The following DGKQ variants were observed in gnomAD, a reference collection of about 807,000 sequenced individuals.
DGKQ encodes the protein diacylglycerol kinase theta, also known as DAG kinase theta.
A neutral mutation model predicts 104.2 loss-of-function variants in DGKQ; 97 were observed. The ratio of observed to expected loss-of-function variants is 0.93; its 90% CI spans 0.79 to 1.10. The LOEUF (loss-of-function observed/expected upper bound fraction) is 1.10. DGKQ is among the 50% of genes least tolerant of loss of function. DGKQ has a pLI of 0.00. For synonymous variants in DGKQ, 736 were observed against 595.2 expected (o/e 1.24, Z -3.44); for missense variants, 1,465 against 1,352.1 (o/e 1.08, Z -1.31).
In DGKQ at chr4:962,585, C is replaced by A; in HGVS notation, c.2064G>T (p.Trp688Cys). The change falls in exon 18 of 23, where the codon TGG becomes TGT. Residue 688 changes from tryptophan (W) to cysteine (C), a missense_variant. By Grantham distance (215) the Trp-to-Cys change is radical (BLOSUM62 -2). Coordinates refer to ENST00000273814, the MANE Select transcript of DGKQ (RefSeq NM_001347.4). ...GGTCCTCGCCGCTGTAGCCCGCCCCCCAGCGGAGGACTCGACCAAGGTCAT... is the reference window on the plus strand; with the variant it reads ...GGTCCTCGCCGCTGTAGCCCGCCCCACAGCGGAGGACTCGACCAAGGTCAT... ...TGNDLGRVLR[W>C]GAGYSGEDPF... The A allele has an allele frequency of 6.2e-7, 1 of 1,609,222 alleles. No homozygotes were observed. Among genetic ancestry groups the A allele is most frequent in the Non-Finnish European group, 8.5e-7 (1 of 1,179,882 alleles).
chr4:962,392 A>G (rs1365006611), intron 18 of DGKQ, 43 bp downstream of exon 18: 9 of 1,516,724 alleles, frequency 5.9e-6, no homozygotes, highest in African/African-American at 1.4e-5. Flanking sequence ...GCGGGGTCAT[A>G]TGCAGGAGCC....
intron 16 of DGKQ, 51 bp from the exon 17 acceptor site, chr4:962,971 C>A: frequency 1.3e-6 from 2 of 1,562,154 alleles, no homozygotes; most frequent in East Asian, 2.4e-5. Context: ...CAGCCCATCC[C>A]CCACCCAGGC....
intron 2 of DGKQ, among the ~76,000 whole-genome samples, 197 bp downstream of exon 2, chr4:970,796 G>A (rs766487223): frequency 2.0e-5 from 3 of 152,172 alleles, no homozygotes; most frequent in African/African-American, 7.2e-5. Flanking sequence ...CGACCTCGGG[G>A]ACTGGCTTTT....
Position 968,287 on chromosome 4 carries a change from C to G in DGKQ, c.658G>C (p.Val220Leu), listed in dbSNP as rs748842685. 3 of 1,510,908 alleles carry G rather than the reference C, an allele frequency of 2.0e-6. No individual in the cohort carries two copies. The African/African-American group carries it at 4.3e-5, about 22-fold the overall frequency. The allele number at this position is 1,510,908 out of a possible 1,614,324, so 93.6% of individuals were successfully genotyped here. Reference sequence around the variant, plus strand: ...CTCGACTTCCCAGCGCCCACCTGGACCCCGCACCACTCGCAGCGCACGCCG... The same window carrying G: ...CTCGACTTCCCAGCGCCCACCTGGAGCCCGCACCACTCGCAGCGCACGCCG... ...LAGVRCEWCG[V>L]QAHSLCSAAL... The change falls in exon 5 of 23, where the codon GTC becomes CTC. Residue 220 changes from valine to leucine, a missense_variant. Val to Leu is a conservative substitution (Grantham distance 32). Coordinates refer to ENST00000273814, the MANE Select transcript of DGKQ (RefSeq NM_001347.4).
rs750906262 is a variant in DGKQ at position 967,211 on chromosome 4, C to T, written c.1138G>A (p.Gly380Ser). The change falls in exon 9 of 23, where the codon GGC (glycine) becomes AGC (serine). Residue 380 changes from glycine to serine, a missense_variant. Coordinates refer to ENST00000273814, the MANE Select transcript of DGKQ (RefSeq NM_001347.4). ...ACCCAGGCCTCTGGCGTGGCCTCGC[C>T]GGACCCGGGGCTTCTGCCCTCCTCC... ...ISEEGRSPGS[G>S]EATPEAWVIR... The T allele has an allele frequency of 2.1e-5, 33 of 1,585,824 alleles. No individual in the cohort carries two copies. The highest frequency in any genetic ancestry group is 1.7e-4 in the African/African-American group (13 of 74,638).
Position 962,790 on chromosome 4 carries a change from T to G in DGKQ, c.2017A>C (p.Ile673Leu). ...AGCCCACCTGTGCCCAGGGGCAGGA[T>G]GGCCACAGAAGGCTCCGGGCAGGCC... ...RLACPEPSVA[I>L]LPLGTGNDLG... is the part of the protein sequence containing the mutation. Residue 673 changes from isoleucine (I) to leucine (L), a missense_variant, in exon 17 of 23, where the codon ATC (isoleucine) becomes CTC (leucine). By Grantham distance (5) the Ile-to-Leu change is conservative (BLOSUM62 2). Transcript: ENST00000273814. The G allele has an allele frequency of 6.2e-7, 1 of 1,606,172 alleles. No individual in the cohort carries two copies.
In DGKQ at chr4:962,596, C is replaced by G. The variant is rs974374200; in HGVS notation, c.2053G>C (p.Val685Leu). ...CTGTAGCCCGCCCCCCAGCGGAGGA[C>G]TCGACCAAGGTCATTCCCTGGGACA... The part of the protein sequence containing the change: ...PLGTGNDLGR[V>L]LRWGAGYSGE... The change falls in exon 18 of 23, where the codon GTC becomes CTC. Residue 685 changes from valine to leucine, a missense_variant. Coordinates refer to ENST00000273814, the MANE Select transcript of DGKQ (RefSeq NM_001347.4). 1 of 1,608,420 alleles carries G rather than the reference C, an allele frequency of 6.2e-7. No homozygotes were observed. The highest frequency in any genetic ancestry group is 1.3e-5 in the African/African-American group (1 of 74,926).
chr4:961,122 G>T lies in DGKQ; in HGVS notation c.2654C>A (p.Thr885Asn). 1 of 1,610,854 alleles carries T rather than the reference G, an allele frequency of 6.2e-7. No individual in the cohort carries two copies. Among genetic ancestry groups the T allele is most frequent in the South Asian group, 1.1e-5 (1 of 90,970 alleles). Reference sequence around the variant, plus strand: ...GGGCTCCCCGTCCACCTGCACCGGGGTGGCCTTGAGGAGCGTGACTCGGAA... The same window carrying T: ...GGGCTCCCCGTCCACCTGCACCGGGTTGGCCTTGAGGAGCGTGACTCGGAA... ...SYFRVTLLKATPVQVDGEPWV... is the reference protein window; with the variant it reads ...SYFRVTLLKANPVQVDGEPWV... The change falls in exon 22 of 23, where the codon ACC becomes AAC. Residue 885 changes from threonine to asparagine, a missense_variant. Physicochemically the swap from Thr to Asn is moderately conservative, Grantham distance 65. Coordinates refer to ENST00000273814, the MANE Select transcript of DGKQ (RefSeq NM_001347.4).
In DGKQ at chr4:962,767, C is replaced by T. The variant is rs1301463165; in HGVS notation, c.2035+5G>A. On this transcript the variant is annotated splice_donor_5th_base_variant and intron_variant, in intron 17 of 22. Transcript: ENST00000273814. ...CCCCCTCCTCGGCTGCACGGCTGAG[C>T]CCACCTGTGCCCAGGGGCAGGATGG... is the stretch of plus-strand genomic sequence containing the variant. The T allele has an allele frequency of 1.2e-6, 2 of 1,603,398 alleles. No individual in the cohort carries two copies. The highest frequency in any genetic ancestry group is 1.7e-6 in the Non-Finnish European group (2 of 1,175,874).
rs772285484 is a variant in DGKQ at position 973,226 on chromosome 4, C to G, written c.257G>C (p.Gly86Ala). The G allele has an allele frequency of 6.4e-7, 1 of 1,560,488 alleles. No homozygotes were observed. Among genetic ancestry groups the G allele is most frequent in the South Asian group, 1.2e-5 (1 of 85,646 alleles). ...CGGGCGCTCACCGTCGCACAGGAAG[C>G]CGGCCAGCCCCCAGATGAAGTCGGA... The part of the protein sequence containing the change: ...LCSDFIWGLA[G>A]FLCDVCNFMS... The change falls in exon 1 of 23, where the codon GGC (glycine) becomes GCC (alanine). Residue 86 changes from glycine to alanine, a missense_variant. Coordinates refer to ENST00000273814, the MANE Select transcript of DGKQ (RefSeq NM_001347.4).
In DGKQ at chr4:971,668, G is replaced by C. The variant is rs1215794451; in HGVS notation, c.272-596C>G. ...GCACCTGAGCCGGCGGGGTGCTCAGGAGGGCATAAGAGGAGCAAGCGCCAC... is the reference window on the plus strand; with the variant it reads ...GCACCTGAGCCGGCGGGGTGCTCAGCAGGGCATAAGAGGAGCAAGCGCCAC... On this transcript the variant is annotated intron_variant, in intron 1 of 22. Coordinates refer to ENST00000273814, the MANE Select transcript of DGKQ (RefSeq NM_001347.4). This position sits in a 1 kb window ranked among gnomAD's most constrained non-coding sequence, Gnocchi z 4.0. Among the ~76,000 whole-genome samples the C allele has an allele frequency of 6.6e-6, 1 of 152,136 alleles. No homozygotes were observed. The highest frequency in any genetic ancestry group is 2.1e-4 in the South Asian group (1 of 4,828).
chr4:970,051 G>A (rs879615727), intron 2 of DGKQ, among the ~76,000 whole-genome samples: 21 of 152,374 alleles, frequency 1.4e-4, no homozygotes, highest in African/African-American at 4.8e-4. Flanking sequence ...ACGAGGGGCC[G>A]CCCAAGCCAG....
Position 962,631 on chromosome 4 carries a change from A to G in DGKQ, c.2036-18T>C. On this transcript the variant is annotated intron_variant, in intron 17 of 22. Coordinates refer to ENST00000273814, the MANE Select transcript of DGKQ (RefSeq NM_001347.4). ...GTCATTCCCTGGGACACAAGCAGACACAGAGCATCTGTCCACACCCACCCG... is the reference window on the plus strand; with the variant it reads ...GTCATTCCCTGGGACACAAGCAGACGCAGAGCATCTGTCCACACCCACCCG... 1.2e-6 allele frequency: 2 copies of G among 1,604,716 alleles called. No homozygotes were observed. The highest frequency in any genetic ancestry group is 2.2e-5 in the South Asian group (2 of 90,806).
At chr4:972,248 C>T (rs190899903) in intron 1 of DGKQ, among the ~76,000 whole-genome samples, 66 of 152,290 alleles carry the variant, frequency 4.3e-4, no homozygotes, top group Middle Eastern at 3.4e-3. Context: ...ACACTCCCCA[C>T]CTCTGGGGAA....
In DGKQ at chr4:961,997, C is replaced by T; in HGVS notation, c.2300G>A (p.Gly767Asp). Residue 767 changes from glycine to aspartate, a missense_variant, in exon 19 of 23, where the codon GGC becomes GAC. By Grantham distance (94) the Gly-to-Asp change is moderately conservative. Transcript: ENST00000273814. The stretch of plus-strand genomic sequence containing the variant: ...GCTCCGGTACCTGCTTGTGAACTTG[C>T]CAGGCTCCTCTTCCCGTGCCTGGTG... ...DFHQAREEEP[G>D]KFTSRLHNKG... 1.2e-6 allele frequency: 2 copies of T among 1,613,172 alleles called. No homozygotes were observed. The highest frequency in any genetic ancestry group is 1.7e-5 in the Admixed American group (1 of 60,016).
chr4:973,082 C>T (rs1428885477), intron 1 of DGKQ, 130 bp downstream of exon 1: 22 of 1,276,412 alleles, frequency 1.7e-5, no homozygotes, highest in South Asian at 2.1e-5. Context: ...CACGAAGGCA[C>T]GTCCCGCGAG....
chr4:964,183 C>G (rs1238880120), intron 15 of DGKQ: 1 of 154,502 alleles, frequency 6.5e-6, no homozygotes, highest in African/African-American at 2.4e-5. Context: ...ATCCTCGGGA[C>G]AGTGGGGATG....
chr4:966,230 G>T, intron 12 of DGKQ, 152 bp from the exon 13 acceptor site: 3 of 934,452 alleles, frequency 3.2e-6, no homozygotes, highest in South Asian at 1.7e-5. Flanking sequence ...GGCCACAGAG[G>T]CTTCCTTGCT....
At chr4:972,577 G>A (rs1560522734) in intron 1 of DGKQ, among the ~76,000 whole-genome samples, 1 of 151,064 alleles carries the variant, frequency 6.6e-6, no homozygotes, top group Non-Finnish European at 1.5e-5. Context: ...TGGTCCCCCT[G>A]TCCCTCGCTC....
Sources: gnomAD v4.1 joint callset for allele counts (sites outside exome capture counted in the v4.1 genomes callset) on GRCh38, gnomAD v4.1.1 for gene constraint, Gnocchi (gnomAD v3.1) non-coding constraint, MANE v1.5 for transcripts, NCBI Gene and HGNC (gene_info 2026-07-23, HGNC 2026-07-21) for gene names.